Variants in UNC5C observed in about 807,000 individuals in gnomAD.
The protein encoded by UNC5C is unc-5 netrin receptor C.
UNC5C carries 47 observed loss-of-function variants against 99.8 expected under a neutral mutation model. That is an observed-to-expected ratio of 0.47 (90% CI 0.37 to 0.60). UNC5C has a LOEUF of 0.60. Among genes scored for constraint, UNC5C ranks in the 20% least tolerant of loss-of-function variants. The pLI is 0.00. For synonymous variants in UNC5C, 487 were observed against 452.2 expected (o/e 1.08, Z -0.98); for missense variants, 1,062 against 1,165.9 (o/e 0.91, Z 1.30).
intron 1 of UNC5C, among the ~76,000 whole-genome samples, chr4:95,451,960 C>A (rs1463454925): frequency 6.6e-6 from 1 of 151,976 alleles, no homozygotes; most frequent in African/African-American, 2.4e-5. Flanking sequence ...GTCTGTAAGT[C>A]AGAAAAGAAT....
chr4:95,380,151 A>G (rs1215737448), intron 1 of UNC5C, among the ~76,000 whole-genome samples: 1 of 152,092 alleles, frequency 6.6e-6, no homozygotes, highest in Non-Finnish European at 1.5e-5. Context: ...ATGGGAATCA[A>G]TCATATTTTG....
At chr4:95,414,087 A>T (rs987810724) in intron 1 of UNC5C, among the ~76,000 whole-genome samples, 5 of 152,224 alleles carry the variant, frequency 3.3e-5, no homozygotes, top group African/African-American at 4.8e-5. Context: ...ACACCAGGTT[A>T]ATTTATTCAA....
chr4:95,244,248 A>G (rs1004762189), intron 6 of UNC5C, among the ~76,000 whole-genome samples: 5 of 152,206 alleles, frequency 3.3e-5, no homozygotes, highest in African/African-American at 9.7e-5. Context: ...TTTGGAATAT[A>G]TTGTATAACG....
intron 1 of UNC5C, among the ~76,000 whole-genome samples, chr4:95,435,991 T>C (rs984082027): frequency 3.3e-5 from 5 of 152,104 alleles, no homozygotes; most frequent in Non-Finnish European, 5.9e-5. Context: ...ATGTCATGTA[T>C]AGCAGAACTG....
chr4:95,383,629 T>C (rs556437871), intron 1 of UNC5C, among the ~76,000 whole-genome samples: 2 of 152,276 alleles, frequency 1.3e-5, no homozygotes, highest in African/African-American at 4.8e-5. Flanking sequence ...ACCAGGGAGA[T>C]TTCCATGATA....
chr4:95,210,253 G>A (rs1182034557), intron 10 of UNC5C, among the ~76,000 whole-genome samples: 3 of 152,196 alleles, frequency 2.0e-5, no homozygotes, highest in Non-Finnish European at 4.4e-5. Flanking sequence ...GTGCAAGAAT[G>A]TAATGAATAG....
chr4:95,536,061 C>CAT (rs58901868), intron 1 of UNC5C, among the ~76,000 whole-genome samples: 19,013 of 140,224 alleles, frequency 0.14, 1,542 homozygotes, highest in Admixed American at 0.22. Flanking sequence ...TACATACATA[C>CAT]ATATATATAT....
At chr4:95,224,384 G>A (rs1029693561) in intron 7 of UNC5C, among the ~76,000 whole-genome samples, 3 of 152,216 alleles carry the variant, frequency 2.0e-5, no homozygotes, top group African/African-American at 4.8e-5. Context: ...CACGTGGTCC[G>A]AAATTTCTCC....
chr4:95,297,291 T>C (rs900226165), intron 3 of UNC5C, among the ~76,000 whole-genome samples: 2 of 152,222 alleles, frequency 1.3e-5, no homozygotes, highest in Non-Finnish European at 2.9e-5. Context: ...ATACACTGGC[T>C]GCATGTATGA....
intron 1 of UNC5C, among the ~76,000 whole-genome samples, chr4:95,421,540 T>C (rs921888052): frequency 2.0e-5 from 3 of 152,076 alleles, no homozygotes; most frequent in South Asian, 2.1e-4. Context: ...GAGATATCTA[T>C]TATTTGATAT....
chr4:95,175,117 T>A (rs1736281802), intron 14 of UNC5C, among the ~76,000 whole-genome samples: 1 of 152,122 alleles, frequency 6.6e-6, no homozygotes, highest in Non-Finnish European at 1.5e-5. Flanking sequence ...TCCATCCTTT[T>A]ATTTTGAGCC....
In UNC5C at chr4:95,464,682, C is replaced by T. The variant is rs575575657; in HGVS notation, c.124+84052G>A. ...TCATATCTATTTGTAACCAAAATGG[C>T]TTTTGAGAATTATTTGTATGATTTT... On this transcript the variant is annotated intron_variant, in intron 1 of 15. Coordinates refer to ENST00000453304, the MANE Select transcript of UNC5C (RefSeq NM_003728.4). 5.3e-5 allele frequency among the ~76,000 whole-genome samples: 8 copies of T among 152,170 alleles called. No homozygotes were observed. The East Asian group carries it at 1.5e-3, about 29-fold the overall frequency.
Position 95,479,593 on chromosome 4 carries a change from C to A in UNC5C, c.124+69141G>T, listed in dbSNP as rs866236789. Among the ~76,000 whole-genome samples the A allele has an allele frequency of 3.3e-5, 5 of 151,886 alleles. 1 individual carries two copies. Among genetic ancestry groups the A allele is most frequent in the Middle Eastern group, 6.8e-3 (2 of 292 alleles). On this transcript the variant is annotated intron_variant, in intron 1 of 15. Transcript: ENST00000453304. ...CAACTATAGTACCCAGTGGAAGATC[C>A]AAAAATGGCGAATGAACCATCTTTC...
intron 4 of UNC5C, among the ~76,000 whole-genome samples, chr4:95,271,588 G>T (rs1740670134): frequency 6.6e-6 from 1 of 152,174 alleles, no homozygotes; most frequent in African/African-American, 2.4e-5. Context: ...ATTCTGGTGG[G>T]TCTGCTGAAC....
intron 1 of UNC5C, among the ~76,000 whole-genome samples, chr4:95,394,478 AC>A (rs1057509172): frequency 6.6e-5 from 10 of 152,060 alleles, no homozygotes; most frequent in Non-Finnish European, 2.9e-5. Flanking sequence ...CACTTTACCA[AC>A]AAAAAATATA....
rs75804790 is a variant in UNC5C at position 95,512,054 on chromosome 4, G to A, written c.124+36680C>T. On this transcript the variant is annotated intron_variant, in intron 1 of 15. Coordinates refer to ENST00000453304, the MANE Select transcript of UNC5C (RefSeq NM_003728.4). ...CTGGGAGAACATGGCACTGTAAGTG[G>A]AATATGGAAATGAAAATGGGTCTGG... Among the ~76,000 whole-genome samples the A allele has an allele frequency of 6.3e-3, 957 of 152,150 alleles. 19 individuals carry two copies. The East Asian group carries it at 0.086, about 14-fold the overall frequency.
chr4:95,359,922 G>A (rs1423876772), intron 1 of UNC5C, among the ~76,000 whole-genome samples: 1 of 152,102 alleles, frequency 6.6e-6, no homozygotes, highest in Non-Finnish European at 1.5e-5. Context: ...AGCACCGTGG[G>A]TAATATCATT....
intron 1 of UNC5C, among the ~76,000 whole-genome samples, chr4:95,494,164 T>C (rs114503677): frequency 0.017 from 2,592 of 151,638 alleles, 70 homozygotes; most frequent in African/African-American, 0.06. Flanking sequence ...GTTCAGCTGA[T>C]ACTGCTTAAC....
rs1460541467 is a variant in UNC5C at position 95,384,948 on chromosome 4, A to G, written c.125-49317T>C. 4.6e-5 allele frequency among the ~76,000 whole-genome samples: 7 copies of G among 152,236 alleles called. 1 individual carries two copies. Among genetic ancestry groups the G allele is most frequent in the African/African-American group, 1.4e-4 (6 of 41,560 alleles). Reference sequence around the variant, plus strand: ...TCCTTGGAAGACTGGTGCTACTAACAAATTAGGTGGAGAATGTACAGATAG... The same window carrying G: ...TCCTTGGAAGACTGGTGCTACTAACGAATTAGGTGGAGAATGTACAGATAG... On this transcript the variant is annotated intron_variant, in intron 1 of 15. Transcript: ENST00000453304.
Sources: allele counts gnomAD v4.1 joint callset (sites outside exome capture counted in the v4.1 genomes callset), GRCh38; gene constraint gnomAD v4.1.1; transcripts MANE v1.5; gene names NCBI Gene and HGNC (gene_info 2026-07-23, HGNC 2026-07-21).